Variants in ATP2A1 observed in about 807,000 individuals in gnomAD.
ATP2A1 encodes ATPase sarcoplasmic/endoplasmic reticulum Ca2+ transporting 1.
In ATP2A1, 83 loss-of-function variants were observed where a neutral mutation model predicts 109.5. The ratio of observed to expected loss-of-function variants is 0.76; its 90% CI spans 0.63 to 0.91. The LOEUF is 0.91. ATP2A1 is among the 40% of genes least tolerant of loss of function. ATP2A1 has a pLI of 0.00. For synonymous variants in ATP2A1, 505 were observed against 537.6 expected (o/e 0.94, Z 0.84); for missense variants, 1,101 against 1,341.0 (o/e 0.82, Z 2.80).
Position 28,903,455 on chromosome 16 carries a change from C to A in ATP2A1, c.2980+15C>A. The A allele has an allele frequency of 1.2e-6, 2 of 1,604,812 alleles. No individual in the cohort carries two copies. Among genetic ancestry groups the A allele is most frequent in the Non-Finnish European group, 1.7e-6 (2 of 1,171,812 alleles). On this transcript the variant is annotated intron_variant, in intron 21 of 22. Transcript: ENST00000395503. This position sits in a 1 kb window ranked among gnomAD's most constrained non-coding sequence, Gnocchi z 5.6. Reference sequence around the variant, plus strand: ...CTACCTAGAGGGTAAGGAGTGCCCTCTCTGTCCCAAGCCCTGGCCCCACCA... The same window carrying A: ...CTACCTAGAGGGTAAGGAGTGCCCTATCTGTCCCAAGCCCTGGCCCCACCA...
Position 28,883,613 on chromosome 16 carries a change from C to T in ATP2A1, c.464-962C>T, listed in dbSNP as rs1251403631. 6.6e-6 allele frequency among the ~76,000 whole-genome samples: 1 copy of T among 152,182 alleles called. No homozygotes were observed. The highest frequency in any genetic ancestry group is 2.4e-5 in the African/African-American group (1 of 41,432). On this transcript the variant is annotated intron_variant, in intron 5 of 22. Transcript: ENST00000395503. The surrounding 1 kb of genome is among the most constrained non-coding windows in gnomAD (Gnocchi z 5.2). ...GCAGCGGCCCTGGGAGATTCTTAGC[C>T]TCCTCCTAAGGTCTCTGAGTCTGGC...
At chr16:28,897,798 A>C (rs1434436155) in intron 12 of ATP2A1, among the ~76,000 whole-genome samples, 1 of 152,198 alleles carries the variant, frequency 6.6e-6, no homozygotes, top group Non-Finnish European at 1.5e-5. Flanking sequence ...GGACAGTGCC[A>C]CAATAGGCCA....
At chr16:28,897,512 A>C (rs73529529) in intron 12 of ATP2A1, among the ~76,000 whole-genome samples, 1,900 of 152,342 alleles carry the variant, frequency 0.012, 31 homozygotes, top group African/African-American at 0.043. Context: ...AAAATAAGTA[A>C]ATAAAAATAA....
At chr16:28,893,348 A>G (rs1000284992) in intron 9 of ATP2A1, among the ~76,000 whole-genome samples, 1 of 151,828 alleles carries the variant, frequency 6.6e-6, no homozygotes, top group East Asian at 1.9e-4. Flanking sequence ...TGAGGCTGCA[A>G]TGAGCTATGA....
intron 8 of ATP2A1, 23 bp from the exon 9 acceptor site, chr16:28,888,764 A>G (rs368381908): frequency 8.7e-6 from 14 of 1,609,194 alleles, no homozygotes; most frequent in Non-Finnish European, 9.3e-6. Flanking sequence ...AGGTTCCCTC[A>G]CACCCTCCCT....
In ATP2A1 at chr16:28,894,856, C is replaced by G; in HGVS notation, c.1322C>G (p.Thr441Ser). The change falls in exon 12 of 23, where the codon ACC becomes AGC. Residue 441 changes from threonine (T) to serine (S), a missense_variant. Thr to Ser is a moderately conservative substitution (Grantham distance 58). Transcript: ENST00000395503. ...KGVYEKVGEA[T>S]ETALTTLVEK... ...GTCTATGAGAAGGTCGGCGAGGCCA[C>G]CGAGACAGCACTCACCACCCTGGTG... 6.2e-7 allele frequency: 1 copy of G among 1,611,738 alleles called. No individual in the cohort carries two copies. Among genetic ancestry groups the G allele is most frequent in the Non-Finnish European group, 8.5e-7 (1 of 1,180,002 alleles).
intron 6 of ATP2A1, 81 bp downstream of exon 6, chr16:28,884,736 CAG>C: frequency 1.5e-6 from 2 of 1,337,678 alleles, no homozygotes; most frequent in Middle Eastern, 1.8e-4. Context: ...AGTGGAAAGA[CAG>C]AGAACCCTCA....
At chr16:28,894,727 C>G (rs1204462686) in intron 11 of ATP2A1, 95 bp from the exon 12 acceptor site, 1 of 1,599,436 alleles carries the variant, frequency 6.3e-7, no homozygotes, top group African/African-American at 1.3e-5. Context: ...GCAAGGGAGG[C>G]AGTGGTTTGC....
At chr16:28,881,337 G>A in intron 4 of ATP2A1, 2 of 431,748 alleles carry the variant, frequency 4.6e-6, no homozygotes, top group Non-Finnish European at 8.7e-6. Flanking sequence ...GAATTCAATA[G>A]ACGCTAGCTT....
At chr16:28,887,168 C>A (rs1217800834) in intron 6 of ATP2A1, 21 bp from the exon 7 acceptor site, 1 of 1,612,652 alleles carries the variant, frequency 6.2e-7, no homozygotes, top group Non-Finnish European at 8.5e-7. Flanking sequence ...ATCCGAAAAC[C>A]CCTTGGCCCC....
At chr16:28,886,832 CAA>C (rs775292801) in intron 6 of ATP2A1, among the ~76,000 whole-genome samples, 17 of 106,888 alleles carry the variant, frequency 1.6e-4, no homozygotes, top group East Asian at 2.6e-4. Flanking sequence ...ACTAAAAATA[CAA>C]AAAAAAAAAA....
chr16:28,881,189 C>T (rs1489109459), intron 4 of ATP2A1, among the ~76,000 whole-genome samples, 170 bp downstream of exon 4: 1 of 152,146 alleles, frequency 6.6e-6, no homozygotes, highest in African/African-American at 2.4e-5. Context: ...GAGACTGTGA[C>T]CCACTGTCAC....
At chr16:28,884,458 C>T (rs1324827407) in intron 5 of ATP2A1, 117 bp from the exon 6 acceptor site, 7 of 1,004,054 alleles carry the variant, frequency 7.0e-6, no homozygotes, top group African/African-American at 1.6e-5. Context: ...CCCTGGGAGC[C>T]TCCCTGAGAC....
chr16:28,894,237 G>A lies in ATP2A1; in HGVS notation c.1178G>A (p.Gly393Glu). The change falls in exon 10 of 23, where the codon GGA becomes GAA. Residue 393 changes from glycine (G) to glutamate (E), a missense_variant. Gly to Glu is a moderately conservative substitution (Grantham distance 98). Coordinates refer to ENST00000395503, the MANE Select transcript of ATP2A1 (RefSeq NM_004320.6). ...SITGSTYAPE[G>E]EVLKNDKPVR... The stretch of plus-strand genomic sequence containing the variant: ...ACCGGCTCCACTTACGCTCCAGAGG[G>A]AGAGGTGTAAGTCACCCAGGCATCT... 1.9e-6 allele frequency: 3 copies of A among 1,613,806 alleles called. No individual in the cohort carries two copies. The highest frequency in any genetic ancestry group is 1.7e-6 in the Non-Finnish European group (2 of 1,179,870).
At chr16:28,882,676 G>T in intron 5 of ATP2A1, 87 bp downstream of exon 5, 1 of 1,567,926 alleles carries the variant, frequency 6.4e-7, no homozygotes. Context: ...CTCGGATCCA[G>T]GTGTCCAGGA....
rs1269654455 is a variant in ATP2A1, at chr16:28,900,665, G to A, written c.1849G>A (p.Ala617Thr). ...VTGSIQLCRD[A>T]GIRVIMITGD... is the part of the protein sequence containing the mutation. ...GGGCTCCATCCAGCTGTGCCGTGACGCCGGGATCCGGGTGATCATGATCAC... is the reference window on the plus strand; with the variant it reads ...GGGCTCCATCCAGCTGTGCCGTGACACCGGGATCCGGGTGATCATGATCAC... The change falls in exon 15 of 23, where the codon GCC (alanine) becomes ACC (threonine). Residue 617 changes from alanine (A) to threonine (T), a missense_variant. Transcript: ENST00000395503. 5 of 1,609,900 alleles carry A rather than the reference G, an allele frequency of 3.1e-6. No individual in the cohort carries two copies. Among genetic ancestry groups the A allele is most frequent in the Non-Finnish European group, 3.4e-6 (4 of 1,176,652 alleles).
At chr16:28,900,938 C>T (rs781597128) in intron 15 of ATP2A1, 22 bp downstream of exon 15, 1 of 1,613,372 alleles carries the variant, frequency 6.2e-7, no homozygotes, top group Non-Finnish European at 8.5e-7. Flanking sequence ...CAGGCAGCTG[C>T]AGCCTTAGTG....
rs776733152 is a variant in ATP2A1 at position 28,902,889 on chromosome 16, G to C, written c.2722G>C (p.Glu908Gln). Residue 908 changes from glutamate (E) to glutamine (Q), a missense_variant, in exon 19 of 23, where the codon GAG (glutamate) becomes CAG (glutamine). Coordinates refer to ENST00000395503, the MANE Select transcript of ATP2A1 (RefSeq NM_004320.6). This position sits in a 1 kb window ranked among gnomAD's most constrained non-coding sequence, Gnocchi z 4.8. Reference protein sequence around the residue: ...TMALSVLVTIEMCNALNSLSE... With the variant: ...TMALSVLVTIQMCNALNSLSE... ...GGCCCTGTCCGTGCTGGTGACCATC[G>C]AGATGTGCAATGCACTGAACAGGTG... The C allele has an allele frequency of 6.2e-7, 1 of 1,613,888 alleles. No individual in the cohort carries two copies. Among genetic ancestry groups the C allele is most frequent in the South Asian group, 1.1e-5 (1 of 91,068 alleles).
chr16:28,902,788 T>G lies in ATP2A1; in HGVS notation c.2621T>G (p.Met874Arg), dbSNP rs774583870. The change falls in exon 19 of 23, where the codon ATG becomes AGG. Residue 874 changes from methionine to arginine, a missense_variant. Transcript: ENST00000395503. The surrounding 1 kb of genome is among the most constrained non-coding windows in gnomAD (Gnocchi z 4.8). ...HVNYSQLTHF[M>R]QCTEDNTHFE... ...GTACCTTCCCTGCAGACTCACTTCA[T>G]GCAGTGCACCGAGGACAACACCCAC... 1 of 1,613,600 alleles carries G rather than the reference T, an allele frequency of 6.2e-7. No individual in the cohort carries two copies. Among genetic ancestry groups the G allele is most frequent in the Admixed American group, 1.7e-5 (1 of 59,956 alleles).
Sources: allele counts gnomAD v4.1 joint callset (sites outside exome capture counted in the v4.1 genomes callset), GRCh38; gene constraint gnomAD v4.1.1; non-coding constraint Gnocchi (gnomAD v3.1); transcripts MANE v1.5; gene names NCBI Gene and HGNC (gene_info 2026-07-23, HGNC 2026-07-21).